The following WDR27 variants were observed in gnomAD, a reference collection of about 807,000 sequenced individuals.
WDR27 encodes the protein WD repeat domain 27.
A neutral mutation model predicts 114.4 loss-of-function variants in WDR27; 100 were observed. That is an observed-to-expected ratio of 0.87 (90% CI 0.74 to 1.03). The LOEUF is 1.03. Ranked by LOEUF, WDR27 falls within the 50% of genes least tolerant of loss-of-function variation. The pLI, the probability that WDR27 is intolerant of heterozygous loss-of-function variation, is 0.00. For missense variants in WDR27, 1,129 were observed against 1,092.9 expected, an observed-to-expected ratio of 1.03 and a Z score of -0.47; for synonymous variants, 449 against 423.1, an observed-to-expected ratio of 1.06 and a Z score of -0.75.
intron 25 of WDR27, among the ~76,000 whole-genome samples, chr6:169,556,357 T>G (rs868767480): frequency 3.9e-5 from 6 of 152,182 alleles, no homozygotes; most frequent in Middle Eastern, 3.2e-3. Flanking sequence ...GGTCTCAGCC[T>G]AGTGAGACCC....
At chr6:169,664,031 T>C in intron 8 of WDR27, 135 bp downstream of exon 8, 1 of 837,044 alleles carries the variant, frequency 1.2e-6, no homozygotes, top group Non-Finnish European at 1.8e-6. Context: ...CTCAGTGGTT[T>C]TCTGAGGTTG....
At position 169,622,507 on chromosome 6, in the gene WDR27, A is replaced by T. The variant is rs547859520; in HGVS notation, c.2224-8851T>A. ...TTCAGCCCAAAGTCAGACTGTTAAC[A>T]CTTTACTCTCCATGGCCATTTCACT... On this transcript the variant is annotated intron_variant, in intron 21 of 25. Coordinates refer to ENST00000448612, the MANE Select transcript of WDR27 (RefSeq NM_182552.5). Among the ~76,000 whole-genome samples, 24 of 152,360 alleles carry T rather than the reference A, an allele frequency of 1.6e-4. No individual in the cohort carries two copies. The East Asian group carries it at 4.2e-3, about 27-fold the overall frequency.
At chr6:169,634,877 T>G (rs1291478460) in intron 19 of WDR27, among the ~76,000 whole-genome samples, 1 of 152,142 alleles carries the variant, frequency 6.6e-6, no homozygotes, top group Non-Finnish European at 1.5e-5. Flanking sequence ...ACTGAAGACA[T>G]GCCTCAGCTT....
chr6:169,662,850 C>T lies in WDR27; in HGVS notation c.905-426G>A, dbSNP rs143629298. 9.8e-3 allele frequency among the ~76,000 whole-genome samples: 1,304 copies of T among 133,040 alleles called. 34 individuals carry two copies. The highest frequency in any genetic ancestry group is 0.037 in the African/African-American group (1,195 of 32,690). The allele number at this position is 133,040 out of a possible 152,430, so 87.3% of individuals were successfully genotyped here. A position where few individuals can be genotyped will look rare whatever the true frequency, so the allele number is the denominator to read the frequency against. ...CACTAGGGTAACACCCAGCATGACG[C>T]GTGTGCACCGCGGAGTACTCAGATC... On this transcript the variant is annotated intron_variant, in intron 8 of 25. Transcript: ENST00000448612.
chr6:169,488,018 G>A (rs1022707115), intron 25 of WDR27, among the ~76,000 whole-genome samples: 3 of 152,206 alleles, frequency 2.0e-5, no homozygotes, highest in African/African-American at 7.2e-5. Context: ...TGGGGGTCAT[G>A]AGAAAATCAC....
At chr6:169,632,838 T>C (rs1290013277) in intron 21 of WDR27, 109 bp downstream of exon 21, 14 of 1,054,502 alleles carry the variant, frequency 1.3e-5, no homozygotes, top group East Asian at 8.7e-5. Flanking sequence ...AAAATTAACA[T>C]TGAATTTGGT....
At chr6:169,609,126 C>A (rs182287721) in intron 22 of WDR27, among the ~76,000 whole-genome samples, 318 of 151,956 alleles carry the variant, frequency 2.1e-3, no homozygotes, top group African/African-American at 7.4e-3. Context: ...CTTTGCGGAG[C>A]ATAACCTCCC....
In WDR27 at chr6:169,701,996, A is replaced by T. The variant is rs1003010021; in HGVS notation, c.-453T>A. ...CCGCCCCACGCTCGCCGCTATGGTTACTTGCCAGCCGACCCACGCGAGCCG... is the reference window on the plus strand; with the variant it reads ...CCGCCCCACGCTCGCCGCTATGGTTTCTTGCCAGCCGACCCACGCGAGCCG... On this transcript the variant is annotated 5_prime_UTR_variant, in exon 1 of 26. Coordinates refer to ENST00000448612, the MANE Select transcript of WDR27 (RefSeq NM_182552.5). The T allele has an allele frequency of 9.6e-6, 4 of 417,366 alleles. No homozygotes were observed. Among genetic ancestry groups the T allele is most frequent in the Non-Finnish European group, 1.9e-5 (4 of 207,298 alleles). The allele number at this position is 417,366 out of a possible 1,614,324, so 25.9% of individuals were successfully genotyped here. A position where few individuals can be genotyped will look rare whatever the true frequency, so the allele number is the denominator to read the frequency against.
chr6:169,590,058 T>C (rs1805424661), intron 23 of WDR27, among the ~76,000 whole-genome samples: 1 of 152,246 alleles, frequency 6.6e-6, no homozygotes, highest in Admixed American at 6.5e-5. Context: ...TTTACAAAAA[T>C]TGTAAGGGAC....
intron 2 of WDR27, among the ~76,000 whole-genome samples, chr6:169,672,820 T>C (rs1779098683): frequency 6.6e-6 from 1 of 152,090 alleles, no homozygotes; most frequent in South Asian, 2.1e-4. Flanking sequence ...GAGAGGAGGC[T>C]GGAGAAAGGT....
intron 18 of WDR27, 103 bp from the exon 19 acceptor site, chr6:169,636,607 G>T (rs1186329340): frequency 5.0e-6 from 6 of 1,193,086 alleles, no homozygotes; most frequent in Non-Finnish European, 5.7e-6. Context: ...ACATCTATTT[G>T]TTCTAAATGT....
At chr6:169,536,636 T>C (rs576828606) in intron 25 of WDR27, among the ~76,000 whole-genome samples, 1 of 152,282 alleles carries the variant, frequency 6.6e-6, no homozygotes, top group Non-Finnish European at 1.5e-5. Context: ...CCAAATGCTC[T>C]TTAAGCCAAG....
intron 25 of WDR27, among the ~76,000 whole-genome samples, chr6:169,571,700 G>A (rs1367382985): frequency 6.6e-6 from 1 of 152,138 alleles, no homozygotes; most frequent in Non-Finnish European, 1.5e-5. Flanking sequence ...AGTCGGGGGT[G>A]GTGGCTTGAG....
intron 25 of WDR27, among the ~76,000 whole-genome samples, chr6:169,515,418 TA>T (rs1793512422): frequency 6.6e-6 from 1 of 152,178 alleles, no homozygotes; most frequent in South Asian, 2.1e-4. Context: ...GAATACTGAA[TA>T]GCTTTTAGGG....
At chr6:169,462,886 GA>G (rs1785090841) in intron 25 of WDR27, among the ~76,000 whole-genome samples, 1 of 152,150 alleles carries the variant, frequency 6.6e-6, no homozygotes, top group East Asian at 1.9e-4. Flanking sequence ...AATTTATGCA[GA>G]AAAAGCATTT....
the WDR27 span, among the ~76,000 whole-genome samples, chr6:169,448,821 A>G: frequency 2.6e-5 from 4 of 152,198 alleles, no homozygotes; most frequent in African/African-American, 9.7e-5. Flanking sequence ...CACTTGTCCC[A>G]CAGTGAGGAG....
the WDR27 span, among the ~76,000 whole-genome samples, chr6:169,428,609 G>GT: frequency 3.5e-5 from 2 of 57,968 alleles, no homozygotes; most frequent in Non-Finnish European, 1.4e-4. Context: ...GCGGGGGGGA[G>GT]GGGGGGGTTC....
intron 25 of WDR27, among the ~76,000 whole-genome samples, chr6:169,461,814 G>A (rs1784941525): frequency 6.6e-6 from 1 of 151,256 alleles, no homozygotes; most frequent in Non-Finnish European, 1.5e-5. Context: ...GAAAAACAAG[G>A]AAACAAAAAA....
At chr6:169,642,646 C>T (rs1240520077) in intron 17 of WDR27, among the ~76,000 whole-genome samples, 2 of 152,158 alleles carry the variant, frequency 1.3e-5, no homozygotes, top group African/African-American at 2.4e-5. Flanking sequence ...GAGCCGAGCC[C>T]GGCTCTGCCT....
Sources: gnomAD v4.1 joint callset for allele counts (sites outside exome capture counted in the v4.1 genomes callset) on GRCh38, gnomAD v4.1.1 for gene constraint, MANE v1.5 for transcripts, NCBI Gene and HGNC (gene_info 2026-07-23, HGNC 2026-07-21) for gene names.